Variants in MPPED1 observed in about 807,000 individuals in gnomAD.
MPPED1 encodes the protein metallophosphoesterase domain containing 1.
A neutral mutation model predicts 36.2 loss-of-function variants in MPPED1; 16 were observed. The observed-to-expected ratio is 0.44, with a 90% CI of 0.30 to 0.67. The LOEUF is 0.67. Among genes scored for constraint, MPPED1 ranks in the 30% least tolerant of loss-of-function variants. The pLI is 0.10. For missense variants in MPPED1, 307 were observed against 453.4 expected (o/e 0.68, Z 2.93); for synonymous variants, 199 against 191.3 (o/e 1.04, Z -0.33).
rs1463256891 is a variant in MPPED1 at position 43,502,584 on chromosome 22, G to T, written c.749-60G>T. On this transcript the variant is annotated intron_variant, in intron 5 of 6. Coordinates refer to ENST00000443721, the MANE Select transcript of MPPED1 (RefSeq NM_001044370.2). This position sits in a 1 kb window ranked among gnomAD's most constrained non-coding sequence, Gnocchi z 5.5. ...GGCTGCAGAAGCTGCTGCTAGGCGT[G>T]GGGCAGTGAGGGGCTGGGACAGACC... is the stretch of plus-strand genomic sequence containing the variant. 2.2e-6 allele frequency: 3 copies of T among 1,345,010 alleles called. No homozygotes were observed. The highest frequency in any genetic ancestry group is 3.2e-6 in the Non-Finnish European group (3 of 940,332). 83.3% of individuals were successfully genotyped at this position (1,345,010 alleles called of 1,614,324 possible).
At chr22:43,426,131 C>A (rs1045702238) in intron 2 of MPPED1, among the ~76,000 whole-genome samples, 2 of 152,204 alleles carry the variant, frequency 1.3e-5, no homozygotes, top group East Asian at 3.9e-4. Flanking sequence ...GGCCCAGGCC[C>A]GTGAGGTGCC....
rs1555904573 is a variant in MPPED1, at chr22:43,497,935, G to GTGTATATATATATATATA, written c.633-299_633-298insGTATATATATATATATAT. ...AAGAAGCTGATATATATATGTATAT[G>GTGTATATATATATATATA]TATATATATATATGTATTTAGCTTT... On this transcript the variant is annotated intron_variant, in intron 4 of 6. Coordinates refer to ENST00000443721, the MANE Select transcript of MPPED1 (RefSeq NM_001044370.2). 6.5e-4 allele frequency among the ~76,000 whole-genome samples: 84 copies of GTGTATATATATATATATA among 128,360 alleles called. 3 individuals are homozygous for GTGTATATATATATATATA. Among genetic ancestry groups the GTGTATATATATATATATA allele is most frequent in the Middle Eastern group, 4.0e-3 (1 of 248 alleles). 84.2% of individuals were successfully genotyped at this position (128,360 alleles called of 152,430 possible). A position where few individuals can be genotyped will look rare whatever the true frequency, so the allele number is the denominator to read the frequency against.
chr22:43,434,513 G>T (rs1929882996), intron 2 of MPPED1, among the ~76,000 whole-genome samples: 1 of 152,220 alleles, frequency 6.6e-6, no homozygotes, highest in Non-Finnish European at 1.5e-5. Context: ...AAAATCTGGT[G>T]CTTGGGGAGT....
At chr22:43,463,331 C>CTTTTTT (rs3047468) in intron 3 of MPPED1, among the ~76,000 whole-genome samples, 3 of 121,060 alleles carry the variant, frequency 2.5e-5, no homozygotes, top group Non-Finnish European at 5.1e-5. Context: ...ATGATTTTTT[C>CTTTTTT]TTTTTTTTTT....
intron 2 of MPPED1, among the ~76,000 whole-genome samples, chr22:43,428,071 G>A (rs1249859584): frequency 6.6e-6 from 1 of 152,198 alleles, no homozygotes; most frequent in Non-Finnish European, 1.5e-5. Flanking sequence ...ACCCAGCAGT[G>A]ATCGAAGGCA....
chr22:43,477,109 C>A (rs545470859), intron 4 of MPPED1, among the ~76,000 whole-genome samples: 1 of 152,290 alleles, frequency 6.6e-6, no homozygotes, highest in African/African-American at 2.4e-5. Flanking sequence ...TTGGAGGGGG[C>A]ATTTGAACTG....
At position 43,502,595 on chromosome 22, in the gene MPPED1, G is replaced by A. The variant is rs1362016784; in HGVS notation, c.749-49G>A. ...CTGCTGCTAGGCGTGGGGCAGTGAG[G>A]GGCTGGGACAGACCGCGTCATGGCC... On this transcript the variant is annotated intron_variant, in intron 5 of 6. Transcript: ENST00000443721. The surrounding 1 kb of genome is among the most constrained non-coding windows in gnomAD (Gnocchi z 5.5). 1 of 1,486,202 alleles carries A rather than the reference G, an allele frequency of 6.7e-7. No homozygotes were observed. Among genetic ancestry groups the A allele is most frequent in the Non-Finnish European group, 9.4e-7 (1 of 1,067,068 alleles). The allele number at this position is 1,486,202 out of a possible 1,614,324, so 92.1% of individuals were successfully genotyped here. A position where few individuals can be genotyped will look rare whatever the true frequency, so the allele number is the denominator to read the frequency against.
At chr22:43,479,538 G>A (rs1206519208) in intron 4 of MPPED1, among the ~76,000 whole-genome samples, 1 of 152,212 alleles carries the variant, frequency 6.6e-6, no homozygotes, top group African/African-American at 2.4e-5. Context: ...GAGGTGATGT[G>A]GCCTTACCAA....
At chr22:43,424,789 G>A (rs1178112222) in intron 1 of MPPED1, 119 bp from the exon 2 acceptor site, 12 of 1,335,176 alleles carry the variant, frequency 9.0e-6, no homozygotes, top group African/African-American at 1.5e-5. Context: ...TGAGCTGTAC[G>A]ACTGTGTTTT....
intron 4 of MPPED1, among the ~76,000 whole-genome samples, chr22:43,480,144 T>C (rs940933861): frequency 1.8e-4 from 28 of 152,154 alleles, no homozygotes; most frequent in African/African-American, 6.8e-4. Context: ...ACTTCCTTGT[T>C]TGTTGAGCCA....
chr22:43,494,152 C>G (rs1189138330), intron 4 of MPPED1, among the ~76,000 whole-genome samples: 1 of 152,196 alleles, frequency 6.6e-6, no homozygotes, highest in Non-Finnish European at 1.5e-5. Flanking sequence ...TCTCCCACCC[C>G]ATCCTCTTGA....
intron 3 of MPPED1, among the ~76,000 whole-genome samples, chr22:43,440,670 A>C (rs1930118639): frequency 6.6e-6 from 1 of 151,822 alleles, no homozygotes; most frequent in Non-Finnish European, 1.5e-5. Context: ...CCCCACCCCC[A>C]GCCACAGGAA....
chr22:43,484,169 T>C (rs796590345), intron 4 of MPPED1, among the ~76,000 whole-genome samples: 49 of 152,318 alleles, frequency 3.2e-4, no homozygotes, highest in African/African-American at 1.1e-3. Flanking sequence ...TTTCCCAGTT[T>C]GTTTGGGCAG....
chr22:43,474,350 G>A lies in MPPED1; in HGVS notation c.407-386G>A, dbSNP rs1339849355. 6.6e-6 allele frequency among the ~76,000 whole-genome samples: 1 copy of A among 152,254 alleles called. No individual in the cohort carries two copies. Among genetic ancestry groups the A allele is most frequent in the African/African-American group, 2.4e-5 (1 of 41,468 alleles). On this transcript the variant is annotated intron_variant, in intron 3 of 6. Transcript: ENST00000443721. The surrounding 1 kb of genome is among the most constrained non-coding windows in gnomAD (Gnocchi z 5.2). Reference sequence around the variant, plus strand: ...CTCTTCCCGATGATCTCAGGGGGCCGATGGCCAGTGGAGGCCTGGACAGGC... The same window carrying A: ...CTCTTCCCGATGATCTCAGGGGGCCAATGGCCAGTGGAGGCCTGGACAGGC...
At chr22:43,428,851 G>T (rs1289593717) in intron 2 of MPPED1, among the ~76,000 whole-genome samples, 1 of 151,968 alleles carries the variant, frequency 6.6e-6, no homozygotes, top group Non-Finnish European at 1.5e-5. Context: ...GCTCTTCCAG[G>T]CCCAGCCCTT....
At chr22:43,468,499 C>A (rs1397006626) in intron 3 of MPPED1, among the ~76,000 whole-genome samples, 1 of 152,212 alleles carries the variant, frequency 6.6e-6, no homozygotes, top group African/African-American at 2.4e-5. Flanking sequence ...CATGTCCTAC[C>A]AGAGGCTGGT....
chr22:43,447,873 ATATATATATATTTTTTTT>A lies in MPPED1; in HGVS notation c.406+12660_406+12677del, dbSNP rs1414677295. Among the ~76,000 whole-genome samples, 274 of 31,024 alleles carry A rather than the reference ATATATATATATTTTTTTT, an allele frequency of 8.8e-3. 4 individuals are homozygous for A. Among genetic ancestry groups the A allele is most frequent in the African/African-American group, 0.035 (239 of 6,740 alleles). The allele number at this position is 31,024 out of a possible 152,430, so 20.4% of individuals were successfully genotyped here. On this transcript the variant is annotated intron_variant, in intron 3 of 6. Coordinates refer to ENST00000443721, the MANE Select transcript of MPPED1 (RefSeq NM_001044370.2). ...ATATGTAAATATTATATATATATAT[ATATATATATATTTTTTTT>A]TTTTTTAGACAAAGTCTCGCCCTGT...
intron 4 of MPPED1, among the ~76,000 whole-genome samples, chr22:43,483,139 TG>T (rs1214368821): frequency 2.6e-5 from 4 of 152,244 alleles, no homozygotes; most frequent in Non-Finnish European, 5.9e-5. Context: ...AGGCCCCACC[TG>T]GTGTGCACAG....
intron 3 of MPPED1, among the ~76,000 whole-genome samples, chr22:43,467,060 C>G (rs1931198265): frequency 6.6e-6 from 1 of 152,192 alleles, no homozygotes; most frequent in Non-Finnish European, 1.5e-5. Context: ...TCTTCATCAG[C>G]TTGATCATTG....
Sources: allele counts gnomAD v4.1 joint callset (sites outside exome capture counted in the v4.1 genomes callset), GRCh38; gene constraint gnomAD v4.1.1; non-coding constraint Gnocchi (gnomAD v3.1); transcripts MANE v1.5; gene names NCBI Gene and HGNC (gene_info 2026-07-23, HGNC 2026-07-21).